RABGAP1L: variants seen among roughly 807,000 people sequenced by gnomAD.
RABGAP1L encodes rab GTPase-activating protein 1-like.
A neutral mutation model predicts 137.7 loss-of-function variants in RABGAP1L; 63 were observed. The observed-to-expected ratio is 0.46, with a 90% confidence interval of 0.37 to 0.56. The LOEUF is 0.56. Among genes scored for constraint, RABGAP1L ranks in the 20% least tolerant of loss-of-function variants. RABGAP1L has a pLI of 0.00. For missense variants in RABGAP1L, 1,095 were observed against 1,244.0 expected, an observed-to-expected ratio of 0.88 and a Z score of 1.80; for synonymous variants, 431 against 433.7, an observed-to-expected ratio of 0.99 and a Z score of 0.08.
chr1:174,830,713 G>T (rs1446864645), intron 19 of RABGAP1L, among the ~76,000 whole-genome samples: 1 of 148,066 alleles, frequency 6.8e-6, no homozygotes, highest in East Asian at 2.1e-4. Context: ...CTGACCTCAG[G>T]TGATCTGCCC....
chr1:174,729,106 G>A lies in RABGAP1L; in HGVS notation c.2170-23207G>A, dbSNP rs558694628. Reference sequence around the variant, plus strand: ...AAGGCTATATAGTAATCAAAACAACGTGGTACTGGTACAAAAATAGACACA... The same window carrying A: ...AAGGCTATATAGTAATCAAAACAACATGGTACTGGTACAAAAATAGACACA... On this transcript the variant is annotated intron_variant, in intron 17 of 25. Transcript: ENST00000681986. 1.5e-4 allele frequency among the ~76,000 whole-genome samples: 23 copies of A among 152,180 alleles called. 1 individual carries two copies. In the South Asian group the frequency reaches 2.3e-3, roughly 15 times the overall value.
At chr1:174,823,082 T>A (rs1414319260) in intron 19 of RABGAP1L, among the ~76,000 whole-genome samples, 4 of 152,248 alleles carry the variant, frequency 2.6e-5, no homozygotes, top group Non-Finnish European at 5.9e-5. Context: ...ATTCCATGCA[T>A]AATTAACAAC....
At position 174,310,758 on chromosome 1, in the gene RABGAP1L, A is replaced by G. The variant is rs1031383217; in HGVS notation, c.1465+5631A>G. 2.0e-5 allele frequency among the ~76,000 whole-genome samples: 3 copies of G among 152,072 alleles called. No homozygotes were observed. In the South Asian group the frequency reaches 6.2e-4, roughly 32 times the overall value. On this transcript the variant is annotated intron_variant, in intron 11 of 25. Transcript: ENST00000681986. ...GTAGGTGTATATATTTATGGGGTACATGAGGTATTTTGGTAAAGAATGCAG... is the reference window on the plus strand; with the variant it reads ...GTAGGTGTATATATTTATGGGGTACGTGAGGTATTTTGGTAAAGAATGCAG...
At chr1:174,835,794 T>G (rs552031773) in intron 19 of RABGAP1L, among the ~76,000 whole-genome samples, 1 of 152,334 alleles carries the variant, frequency 6.6e-6, no homozygotes, top group African/African-American at 2.4e-5. Context: ...TGACTGAGAC[T>G]GGGCCAAGGA....
intron 11 of RABGAP1L, among the ~76,000 whole-genome samples, chr1:174,307,800 A>G (rs1678441577): frequency 6.6e-6 from 1 of 152,110 alleles, no homozygotes; most frequent in Non-Finnish European, 1.5e-5. Context: ...TGTCCCTTTG[A>G]CATACTGGTT....
At chr1:174,319,101 A>T (rs1679701084) in intron 11 of RABGAP1L, among the ~76,000 whole-genome samples, 1 of 152,004 alleles carries the variant, frequency 6.6e-6, no homozygotes, top group African/African-American at 2.4e-5. Context: ...TCAGATCAGT[A>T]TGTTTTATAC....
intron 19 of RABGAP1L, among the ~76,000 whole-genome samples, chr1:174,933,804 G>A (rs1273822311): frequency 2.6e-5 from 4 of 152,112 alleles, no homozygotes; most frequent in Non-Finnish European, 5.9e-5. Flanking sequence ...CTCCCTGGTT[G>A]TCAAGGTCTT....
chr1:174,527,328 G>A (rs1229447824), intron 13 of RABGAP1L, among the ~76,000 whole-genome samples: 4 of 150,026 alleles, frequency 2.7e-5, no homozygotes, highest in East Asian at 2.0e-4. Context: ...TCAGCCTCCC[G>A]AGTAGCTGGG....
At chr1:174,481,799 CA>C (rs2149331841) in intron 13 of RABGAP1L, among the ~76,000 whole-genome samples, 1 of 150,346 alleles carries the variant, frequency 6.7e-6, no homozygotes, top group East Asian at 2.0e-4. Context: ...GGGTGCAGCG[CA>C]CCAGCATGGC....
intron 13 of RABGAP1L, among the ~76,000 whole-genome samples, chr1:174,587,299 G>A (rs982838384): frequency 2.1e-4 from 23 of 108,534 alleles, no homozygotes; most frequent in Admixed American, 3.7e-4. Context: ...GTTGTGGGGT[G>A]GGGGGAGGGG....
chr1:174,604,076 C>T (rs1011097064), intron 13 of RABGAP1L, among the ~76,000 whole-genome samples: 1 of 151,876 alleles, frequency 6.6e-6, no homozygotes, highest in African/African-American at 2.4e-5. Context: ...CTTGTGTGTA[C>T]CCCATGTCCT....
At chr1:174,315,126 T>C (rs1679244433) in intron 11 of RABGAP1L, among the ~76,000 whole-genome samples, 1 of 152,146 alleles carries the variant, frequency 6.6e-6, no homozygotes, top group East Asian at 1.9e-4. Flanking sequence ...TATCTTTCTC[T>C]TTAGCTCTAA....
At chr1:174,759,917 A>G (rs1369527734) in intron 18 of RABGAP1L, among the ~76,000 whole-genome samples, 1 of 152,346 alleles carries the variant, frequency 6.6e-6, no homozygotes, top group East Asian at 1.9e-4. Flanking sequence ...CCCTACCTTC[A>G]ACATTGGGGA....
intron 12 of RABGAP1L, among the ~76,000 whole-genome samples, chr1:174,383,067 C>T (rs889325332): frequency 1.3e-5 from 2 of 151,106 alleles, no homozygotes; most frequent in Non-Finnish European, 2.9e-5. Context: ...TGTCAGTGTG[C>T]CCCTGCTGGG....
At chr1:174,248,701 A>G (rs1309281826) in intron 5 of RABGAP1L, among the ~76,000 whole-genome samples, 1 of 152,228 alleles carries the variant, frequency 6.6e-6, no homozygotes, top group African/African-American at 2.4e-5. Flanking sequence ...ATATGTGAAT[A>G]AAACAAAGGA....
chr1:174,905,256 T>C (rs1485974272), intron 19 of RABGAP1L, among the ~76,000 whole-genome samples: 4 of 152,174 alleles, frequency 2.6e-5, no homozygotes, highest in African/African-American at 4.8e-5. Flanking sequence ...AACCATGACC[T>C]TTCCAAAGAG....
At chr1:174,763,313 C>T (rs4359076) in intron 18 of RABGAP1L, among the ~76,000 whole-genome samples, 1 of 149,922 alleles carries the variant, frequency 6.7e-6, no homozygotes, top group Non-Finnish European at 1.5e-5. Context: ...GTCAGGAGAT[C>T]GAGACCATCC....
chr1:174,451,373 A>G (rs556160700), intron 13 of RABGAP1L, among the ~76,000 whole-genome samples: 8 of 152,362 alleles, frequency 5.3e-5, no homozygotes, highest in Non-Finnish European at 1.2e-4. Context: ...GGCCATGCTT[A>G]CTGCATTTTC....
chr1:174,272,529 T>C, intron 8 of RABGAP1L, 49 bp downstream of exon 8: 1 of 1,422,928 alleles, frequency 7.0e-7, no homozygotes, highest in Non-Finnish European at 9.2e-7. Flanking sequence ...ATAGTTATTT[T>C]ATATTTGACA....
Sources: allele counts gnomAD v4.1 joint callset (sites outside exome capture counted in the v4.1 genomes callset), GRCh38; gene constraint gnomAD v4.1.1; transcripts MANE v1.5; gene names NCBI Gene and HGNC (gene_info 2026-07-23, HGNC 2026-07-21).